PTBP3: variants seen among roughly 807,000 people sequenced by gnomAD.
PTBP3 encodes polypyrimidine tract binding protein 3, also known as polypyrimidine tract-binding protein 3.
In PTBP3, 20 loss-of-function variants were observed where a neutral mutation model predicts 58.7. That is an observed-to-expected ratio of 0.34 (90% confidence interval 0.24 to 0.50). The LOEUF is 0.50. Ranked by LOEUF, PTBP3 falls within the 20% of genes least tolerant of loss-of-function variation. The pLI is 0.98. For missense variants in PTBP3, 509 were observed against 637.2 expected (o/e 0.80, Z 2.17); for synonymous variants, 185 against 219.8 (o/e 0.84, Z 1.40).
At chr9:112,346,466 C>T in the PTBP3 span, among the ~76,000 whole-genome samples, 5 of 151,930 alleles carry the variant, frequency 3.3e-5, no homozygotes, top group Admixed American at 6.6e-5. Flanking sequence ...CACACCTGGC[C>T]GGCAAATATA....
chr9:112,334,620 G>A (rs1028434671), upstream of PTBP3, among the ~76,000 whole-genome samples: 1 of 152,158 alleles, frequency 6.6e-6, no homozygotes, highest in African/African-American at 2.4e-5. Flanking sequence ...AAAGAGCGGG[G>A]CTCCTCCCCG....
the PTBP3 span, among the ~76,000 whole-genome samples, chr9:112,370,127 T>C: frequency 2.6e-5 from 4 of 152,292 alleles, no homozygotes; most frequent in East Asian, 3.9e-4. Context: ...AATAGCAGTA[T>C]AAAAATGGAC....
At chr9:112,269,965 GAC>G (rs993011056) in intron 3 of PTBP3, among the ~76,000 whole-genome samples, 2 of 138,356 alleles carry the variant, frequency 1.4e-5, no homozygotes, top group Non-Finnish European at 3.1e-5. Context: ...TTTTTTTTGA[GAC>G]ACAGTCTCAC....
In PTBP3 at chr9:112,250,818, T is replaced by C. The variant is rs1407899479; in HGVS notation, c.802+111A>G. 1.6e-5 allele frequency: 17 copies of C among 1,094,516 alleles called. No individual in the cohort carries two copies. The East Asian group carries it at 4.5e-4, about 29-fold the overall frequency. The allele number at this position is 1,094,516 out of a possible 1,614,324, so 67.8% of individuals were successfully genotyped here. On this transcript the variant is annotated intron_variant, in intron 7 of 13. Transcript: ENST00000374257. The stretch of plus-strand genomic sequence containing the variant: ...GTTCTAGGATTCTTGCTTTCCTTTA[T>C]AAATCCTGAGAGAACTCGAGAAGAA...
intron 7 of PTBP3, among the ~76,000 whole-genome samples, chr9:112,243,498 T>C (rs191987282): frequency 9.9e-4 from 151 of 152,096 alleles, no homozygotes; most frequent in African/African-American, 3.5e-3. Flanking sequence ...GCCAAGATTG[T>C]GCAACTGCAC....
chr9:112,327,799 GAA>G (rs112948823), intron 1 of PTBP3, among the ~76,000 whole-genome samples: 2 of 144,394 alleles, frequency 1.4e-5, no homozygotes, highest in Admixed American at 6.9e-5. Flanking sequence ...ACTAATAGAG[GAA>G]AAAAAAAAAA....
chr9:112,250,838 G>T lies in PTBP3; in HGVS notation c.802+91C>A, dbSNP rs992792573. 4.1e-6 allele frequency: 5 copies of T among 1,218,716 alleles called. No homozygotes were observed. In the African/African-American group the frequency reaches 6.2e-5, roughly 15 times the overall value. 75.5% of individuals were successfully genotyped at this position (1,218,716 alleles called of 1,614,324 possible). On this transcript the variant is annotated intron_variant, in intron 7 of 13. Coordinates refer to ENST00000374257, the MANE Select transcript of PTBP3 (RefSeq NM_001163788.4). ...CTTTATAAATCCTGAGAGAACTCGA[G>T]AAGAAAAAGGCTTATAAACATACAT...
chr9:112,253,758 ACT>A (rs1351840106), intron 5 of PTBP3, among the ~76,000 whole-genome samples: 1 of 151,440 alleles, frequency 6.6e-6, no homozygotes, highest in Admixed American at 6.6e-5. Flanking sequence ...TCCCCTGCGC[ACT>A]CTCTCTCTCC....
At position 112,327,225 on chromosome 9, in the gene PTBP3, T is replaced by C. The variant is rs552328872; in HGVS notation, c.-52+6245A>G. 2.9e-5 allele frequency among the ~76,000 whole-genome samples: 4 copies of C among 138,424 alleles called. No individual in the cohort carries two copies. In the East Asian group the frequency reaches 8.7e-4, roughly 30 times the overall value. The allele number at this position is 138,424 out of a possible 152,430, so 90.8% of individuals were successfully genotyped here. Reference sequence around the variant, plus strand: ...CTGCCTTCAAAGAAAAAAAAAAAAATAGCAAATACGTCTCAGTTTCCCAAT... The same window carrying C: ...CTGCCTTCAAAGAAAAAAAAAAAAACAGCAAATACGTCTCAGTTTCCCAAT... On this transcript the variant is annotated intron_variant, in intron 1 of 13. Coordinates refer to ENST00000374257, the MANE Select transcript of PTBP3 (RefSeq NM_001163788.4).
the PTBP3 span, among the ~76,000 whole-genome samples, chr9:112,347,117 A>G: frequency 6.6e-6 from 1 of 152,348 alleles, no homozygotes; most frequent in African/African-American, 2.4e-5. Flanking sequence ...TTGTAATGCA[A>G]TATATAAATA....
intron 1 of PTBP3, among the ~76,000 whole-genome samples, chr9:112,304,978 C>T (rs574442168): frequency 2.0e-5 from 3 of 152,184 alleles, no homozygotes; most frequent in African/African-American, 7.2e-5. Context: ...GACAACTTTT[C>T]TTTTTTGAGG....
chr9:112,328,118 C>CT (rs1265879382), intron 1 of PTBP3, among the ~76,000 whole-genome samples: 1 of 152,186 alleles, frequency 6.6e-6, no homozygotes, highest in Non-Finnish European at 1.5e-5. Context: ...AGGGAAGCAA[C>CT]TTATGGAAGA....
At chr9:112,268,830 G>A (rs1827234859) in intron 3 of PTBP3, among the ~76,000 whole-genome samples, 1 of 151,694 alleles carries the variant, frequency 6.6e-6, no homozygotes, top group African/African-American at 2.4e-5. Flanking sequence ...TTAAAAAGAT[G>A]AAAATAAATG....
chr9:112,335,075 T>C (rs1010628080), upstream of PTBP3, among the ~76,000 whole-genome samples: 3 of 152,228 alleles, frequency 2.0e-5, no homozygotes, highest in African/African-American at 7.2e-5. Flanking sequence ...TGGGATATAT[T>C]CTGTTGATGA....
At chr9:112,343,898 C>T in the PTBP3 span, among the ~76,000 whole-genome samples, 1 of 151,788 alleles carries the variant, frequency 6.6e-6, no homozygotes, top group Non-Finnish European at 1.5e-5. Context: ...TGATAAATCT[C>T]CTTCAGTAAA....
Position 112,297,938 on chromosome 9 carries a change from T to C in PTBP3, c.-51-22A>G, listed in dbSNP as rs761203465. 3.1e-6 allele frequency: 5 copies of C among 1,587,818 alleles called. No homozygotes were observed. The South Asian group carries it at 4.6e-5, about 14-fold the overall frequency. On this transcript the variant is annotated intron_variant, in intron 1 of 13. Transcript: ENST00000374257. ...CCCGCTGAAAAGCAAAACCAATGTT[T>C]GGTTAATAAACCAAGTTTTAGATAA...
chr9:112,330,431 A>C, intron 1 of PTBP3: 1 of 1,503,340 alleles, frequency 6.7e-7, no homozygotes, highest in Non-Finnish European at 9.1e-7. Flanking sequence ...GGATAGTAAA[A>C]GATTCCTACC....
At chr9:112,234,231 A>G (rs1835359557) in intron 8 of PTBP3, among the ~76,000 whole-genome samples, 1 of 152,210 alleles carries the variant, frequency 6.6e-6, no homozygotes, top group Admixed American at 6.5e-5. Context: ...AATGGGAATC[A>G]TTATCAACGT....
At chr9:112,280,676 A>T (rs1827817541) in intron 2 of PTBP3, among the ~76,000 whole-genome samples, 1 of 152,090 alleles carries the variant, frequency 6.6e-6, no homozygotes, top group Non-Finnish European at 1.5e-5. Context: ...CTGATTTTCA[A>T]ATGTAAGCAC....
Sources: allele counts gnomAD v4.1 joint callset (sites outside exome capture counted in the v4.1 genomes callset), GRCh38; gene constraint gnomAD v4.1.1; transcripts MANE v1.5; gene names NCBI Gene and HGNC (gene_info 2026-07-23, HGNC 2026-07-21).